ACAN: variants seen among roughly 807,000 people sequenced by gnomAD.
The protein encoded by ACAN is aggrecan, also known as aggrecan core protein.
In ACAN, 47 loss-of-function variants were observed where a neutral mutation model predicts 169.1. That is an observed-to-expected ratio of 0.28 (90% CI 0.22 to 0.35). The LOEUF is 0.35. Among genes scored for constraint, ACAN ranks in the 10% least tolerant of loss-of-function variants. ACAN has a pLI of 1.00. For synonymous variants in ACAN, 1,115 were observed against 1,112.2 expected, an observed-to-expected ratio of 1.00 and a Z score of -0.05; for missense variants, 2,716 against 2,759.9, an observed-to-expected ratio of 0.98 and a Z score of 0.36.
rs28458331 is a variant in ACAN at position 88,868,138 on chromosome 15, A to G, written c.6947-78A>G. On this transcript the variant is annotated intron_variant, in intron 13 of 18. Coordinates refer to ENST00000560601, the MANE Select transcript of ACAN (RefSeq NM_001369268.1). This position sits in a 1 kb window ranked among gnomAD's most constrained non-coding sequence, Gnocchi z 5.2. The stretch of plus-strand genomic sequence containing the variant: ...GGTCTGGAGAGCAGCAGGACTGGCC[A>G]CTCAAAAGGAGGCCACAGTGCTTGT... 38,464 of 661,094 alleles carry G rather than the reference A, an allele frequency of 0.058. 1,749 individuals are homozygous for G. Among genetic ancestry groups the G allele is most frequent in the African/African-American group, 0.18 (10,051 of 56,152 alleles). The allele number at this position is 661,094 out of a possible 1,614,324, so 41.0% of individuals were successfully genotyped here.
chr15:88,818,312 G>A (rs2141509279), intron 1 of ACAN, among the ~76,000 whole-genome samples: 1 of 152,340 alleles, frequency 6.6e-6, no homozygotes, highest in African/African-American at 2.4e-5. Flanking sequence ...CTTCCATAAG[G>A]GAAAATCTGC....
At chr15:88,804,940 C>T (rs1895640802) in intron 1 of ACAN, among the ~76,000 whole-genome samples, 1 of 152,080 alleles carries the variant, frequency 6.6e-6, no homozygotes, top group African/African-American at 2.4e-5. Context: ...GGGTGTCTGA[C>T]AGTTTAGAGG....
rs768801235 is a variant in ACAN at position 88,860,389 on chromosome 15, A to G, written c.6896A>G (p.His2299Arg). ...GGGACCTGCAAGGAGACAGAGGGAC[A>G]CGTCATATGCCTGTGCCCCCCTGGC... is the stretch of plus-strand genomic sequence containing the variant. ...GAGTCKETEG[H>R]VICLCPPGYT... Residue 2299 changes from histidine (H) to arginine (R), a missense_variant, in exon 13 of 19, where the codon CAC (histidine) becomes CGC (arginine). Physicochemically the swap from His to Arg is conservative, Grantham distance 29. Coordinates refer to ENST00000560601, the MANE Select transcript of ACAN (RefSeq NM_001369268.1). The G allele has an allele frequency of 3.7e-6, 6 of 1,613,712 alleles. No individual in the cohort carries two copies. Among genetic ancestry groups the G allele is most frequent in the Admixed American group, 1.7e-5 (1 of 60,008 alleles).
intron 1 of ACAN, among the ~76,000 whole-genome samples, chr15:88,822,987 A>G (rs1896116948): frequency 6.6e-6 from 1 of 152,184 alleles, no homozygotes; most frequent in South Asian, 2.1e-4. Flanking sequence ...ATTCAGCTAT[A>G]ACTCCACACA....
rs765691738 is a variant in ACAN at position 88,872,855 on chromosome 15, T to TA, written c.7303-25dup. ...AACCCGCACTGTCCTGCCCTCTCCT[T>TA]ACTCCTTCCCCACTCCCACCCACAG... On this transcript the variant is annotated intron_variant, in intron 16 of 18. Coordinates refer to ENST00000560601, the MANE Select transcript of ACAN (RefSeq NM_001369268.1). The surrounding 1 kb of genome is among the most constrained non-coding windows in gnomAD (Gnocchi z 5.4). The TA allele has an allele frequency of 6.2e-7, 1 of 1,612,330 alleles. No individual in the cohort carries two copies. Among genetic ancestry groups the TA allele is most frequent in the Non-Finnish European group, 8.5e-7 (1 of 1,179,670 alleles).
In ACAN at chr15:88,839,546, G is replaced by A. The variant is rs1254488399; in HGVS notation, c.455-466G>A. Among the ~76,000 whole-genome samples the A allele has an allele frequency of 6.6e-6, 1 of 152,176 alleles. No homozygotes were observed. Among genetic ancestry groups the A allele is most frequent in the Admixed American group, 6.5e-5 (1 of 15,288 alleles). On this transcript the variant is annotated intron_variant, in intron 3 of 18. Coordinates refer to ENST00000560601, the MANE Select transcript of ACAN (RefSeq NM_001369268.1). The surrounding 1 kb of genome is among the most constrained non-coding windows in gnomAD (Gnocchi z 4.5). ...GTCTTTGGTTAGCTTCAGGACTTTG[G>A]TCAACACCAGATTTTTCCCAGGGGG...
At position 88,848,147 on chromosome 15, in the gene ACAN, T is replaced by C. The variant is rs75871541; in HGVS notation, c.1732+109T>C. The C allele has an allele frequency of 5.6e-3, 8,106 of 1,460,324 alleles. 361 individuals are homozygous for C. In the African/African-American group the frequency reaches 0.1, roughly 18 times the overall value. 90.5% of individuals were successfully genotyped at this position (1,460,324 alleles called of 1,614,324 possible). A position where few individuals can be genotyped will look rare whatever the true frequency, so the allele number is the denominator to read the frequency against. On this transcript the variant is annotated intron_variant, in intron 9 of 18. Coordinates refer to ENST00000560601, the MANE Select transcript of ACAN (RefSeq NM_001369268.1). ...GGGTTACCACCCACCCACCCCTGAT[T>C]CCACCCAGCTTTCCAGGTGGGAAAG...
intron 11 of ACAN, 111 bp downstream of exon 11, chr15:88,852,144 C>A: frequency 6.9e-7 from 1 of 1,438,938 alleles, no homozygotes; most frequent in Non-Finnish European, 9.3e-7. Context: ...TGCTGTTTCC[C>A]CAGCCCTGAC....
In ACAN at chr15:88,860,523, G is replaced by A. The variant is rs114263886; in HGVS notation, c.6946+84G>A. 1,945 of 1,222,836 alleles carry A rather than the reference G, an allele frequency of 1.6e-3. 18 individuals are homozygous for A. In the African/African-American group the frequency reaches 0.025, roughly 16 times the overall value. 75.7% of individuals were successfully genotyped at this position (1,222,836 alleles called of 1,614,324 possible). A position where few individuals can be genotyped will look rare whatever the true frequency, so the allele number is the denominator to read the frequency against. On this transcript the variant is annotated intron_variant, in intron 13 of 18. Transcript: ENST00000560601. ...CCCCCAAAGGGTCCCCAGGTGGGAGGAGGCAACCAAGGTCCACTGAGGCTC... is the reference window on the plus strand; with the variant it reads ...CCCCCAAAGGGTCCCCAGGTGGGAGAAGGCAACCAAGGTCCACTGAGGCTC...
intron 1 of ACAN, among the ~76,000 whole-genome samples, chr15:88,830,595 C>G (rs1896334630): frequency 6.6e-6 from 1 of 152,116 alleles, no homozygotes; most frequent in Non-Finnish European, 1.5e-5. Context: ...TGTGTATACA[C>G]AAATACTTCC....
chr15:88,849,729 G>T lies in ACAN; in HGVS notation c.2024G>T (p.Arg675Leu), dbSNP rs35102652. 5.0e-6 allele frequency: 8 copies of T among 1,613,530 alleles called. No homozygotes were observed. In the East Asian group the frequency reaches 1.8e-4, roughly 36 times the overall value. ...TCCCGGCACCATGCCTTCTGCTTCC[G>T]AGGTATGCAGCCTCACTTCGGCTCC... is the stretch of plus-strand genomic sequence containing the variant. ...PLSRHHAFCF[R>L]GISAVPSPGE... The change falls in exon 10 of 19, where the codon CGA becomes CTA. Residue 675 changes from arginine (R) to leucine (L), a missense_variant and splice_region_variant. By Grantham distance (102) the Arg-to-Leu change is moderately radical. Coordinates refer to ENST00000560601, the MANE Select transcript of ACAN (RefSeq NM_001369268.1). This position sits in a 1 kb window ranked among gnomAD's most constrained non-coding sequence, Gnocchi z 5.1.
intron 13 of ACAN, among the ~76,000 whole-genome samples, chr15:88,867,591 A>C (rs6496527): frequency 0.43 from 65,410 of 152,050 alleles, 15,817 homozygotes; most frequent in African/African-American, 0.68. Context: ...ATTCTAAAAT[A>C]ATATCTACTG....
rs2141483138 is a variant in ACAN at position 88,807,615 on chromosome 15, A to G, written c.-8+3806A>G. 6.6e-6 allele frequency among the ~76,000 whole-genome samples: 1 copy of G among 152,294 alleles called. No homozygotes were observed. The highest frequency in any genetic ancestry group is 2.1e-4 in the South Asian group (1 of 4,820). ...GAGAAGGAGCGGGAGTGCAGGCGAG[A>G]GGAGGACCAGAGAGGGGGAATTTGT... On this transcript the variant is annotated intron_variant, in intron 1 of 18. Coordinates refer to ENST00000560601, the MANE Select transcript of ACAN (RefSeq NM_001369268.1). This position sits in a 1 kb window ranked among gnomAD's most constrained non-coding sequence, Gnocchi z 4.0.
intron 4 of ACAN, among the ~76,000 whole-genome samples, chr15:88,840,398 G>T (rs185421872): frequency 6.6e-6 from 1 of 152,316 alleles, no homozygotes; most frequent in African/African-American, 2.4e-5. Flanking sequence ...TTGCAAATGG[G>T]ATGAGGGACT....
At chr15:88,845,261 G>A (rs866249977) in intron 6 of ACAN, among the ~76,000 whole-genome samples, 4 of 152,196 alleles carry the variant, frequency 2.6e-5, no homozygotes, top group African/African-American at 4.8e-5. Context: ...CAGCTCATTG[G>A]TCAATATCTT....
At position 88,838,588 on chromosome 15, in the gene ACAN, A is replaced by C; in HGVS notation, c.71-75A>C. The stretch of plus-strand genomic sequence containing the variant: ...TCTCTCAGGAGAGTGCATTGCTGGA[A>C]GGATGGATGGGGAGGCGGGGTGGTC... On this transcript the variant is annotated intron_variant, in intron 2 of 18. Coordinates refer to ENST00000560601, the MANE Select transcript of ACAN (RefSeq NM_001369268.1). The surrounding 1 kb of genome is among the most constrained non-coding windows in gnomAD (Gnocchi z 5.1). 5.4e-6 allele frequency: 8 copies of C among 1,494,370 alleles called. No homozygotes were observed. Among genetic ancestry groups the C allele is most frequent in the Non-Finnish European group, 7.2e-6 (8 of 1,108,678 alleles). The allele number at this position is 1,494,370 out of a possible 1,614,324, so 92.6% of individuals were successfully genotyped here. A position where few individuals can be genotyped will look rare whatever the true frequency, so the allele number is the denominator to read the frequency against.
chr15:88,847,899 T>G lies in ACAN; in HGVS notation c.1605-12T>G, dbSNP rs369190934. The stretch of plus-strand genomic sequence containing the variant: ...ACAGGCCTTCATCTTCTCCTCCCAC[T>G]CTCCTTTGCAGATACCCCATTGTGA... On this transcript the variant is annotated splice_polypyrimidine_tract_variant and intron_variant, in intron 8 of 18. Transcript: ENST00000560601. The G allele has an allele frequency of 1.2e-6, 2 of 1,611,754 alleles. No homozygotes were observed. Among genetic ancestry groups the G allele is most frequent in the Non-Finnish European group, 1.7e-6 (2 of 1,178,646 alleles).
rs1173991593 is a variant in ACAN at position 88,874,077 on chromosome 15, C to T, written c.7630+53C>T. ...AGCACAGGGTTAGATTCTGCCAGCACAGCCTTCCCCCCGTCCCCTCTCCTG... is the reference window on the plus strand; with the variant it reads ...AGCACAGGGTTAGATTCTGCCAGCATAGCCTTCCCCCCGTCCCCTCTCCTG... On this transcript the variant is annotated intron_variant, in intron 18 of 18. Coordinates refer to ENST00000560601, the MANE Select transcript of ACAN (RefSeq NM_001369268.1). This position sits in a 1 kb window ranked among gnomAD's most constrained non-coding sequence, Gnocchi z 7.3. 4 of 1,593,626 alleles carry T rather than the reference C, an allele frequency of 2.5e-6. No homozygotes were observed. Among genetic ancestry groups the T allele is most frequent in the African/African-American group, 2.7e-5 (2 of 74,662 alleles).
At chr15:88,827,029 T>A (rs1251837610) in intron 1 of ACAN, among the ~76,000 whole-genome samples, 2 of 152,302 alleles carry the variant, frequency 1.3e-5, no homozygotes, top group East Asian at 3.9e-4. Context: ...GTTCTAAGGA[T>A]AAGAAACGGC....
Sources: allele counts gnomAD v4.1 joint callset (sites outside exome capture counted in the v4.1 genomes callset), GRCh38; gene constraint gnomAD v4.1.1; non-coding constraint Gnocchi (gnomAD v3.1); transcripts MANE v1.5; gene names NCBI Gene and HGNC (gene_info 2026-07-23, HGNC 2026-07-21).